The following TMEM245 variants were observed in gnomAD, a reference collection of about 807,000 sequenced individuals.
TMEM245 encodes the protein protein CG-2.
A neutral mutation model predicts 101.2 loss-of-function variants in TMEM245; 69 were observed. The ratio of observed to expected loss-of-function variants is 0.68; its 90% confidence interval spans 0.56 to 0.83. The LOEUF (loss-of-function observed/expected upper bound fraction) is 0.83, where lower values mean the gene tolerates loss of function less well. Ranked by LOEUF, TMEM245 falls within the 40% of genes least tolerant of loss-of-function variation. The probability of loss-of-function intolerance (pLI) is 0.00; values close to 1 mark genes in which losing one functional copy is unlikely to be tolerated. For missense variants in TMEM245, 1,075 were observed against 1,092.8 expected (o/e 0.98, Z 0.23); for synonymous variants, 537 against 449.8 (o/e 1.19, Z -2.45).
intron 3 of TMEM245, among the ~76,000 whole-genome samples, chr9:109,097,170 AAAG>A (rs1383228816): frequency 6.6e-6 from 1 of 152,238 alleles, no homozygotes; most frequent in African/African-American, 2.4e-5. Flanking sequence ...TAAGCTAGAT[AAAG>A]AAGACAGAAC....
In TMEM245 at chr9:109,087,178, T is replaced by C; in HGVS notation, c.1315A>G (p.Ser439Gly). Reference protein sequence around the residue: ...GLGKFLLKVDSKLWHWLNKKM... With the variant: ...GLGKFLLKVDGKLWHWLNKKM... ...AAGTCCTTAAAATACAATACCTTGC[T>C]ATCAACTTTTAACAAGAATTTTCCA... Residue 439 changes from serine to glycine, a missense_variant, in exon 6 of 18, where the codon AGC (serine) becomes GGC (glycine). Ser to Gly is a moderately conservative substitution (Grantham distance 56). Transcript: ENST00000374586. The C allele has an allele frequency of 6.2e-7, 1 of 1,606,036 alleles. No homozygotes were observed. The highest frequency in any genetic ancestry group is 8.5e-7 in the Non-Finnish European group (1 of 1,178,036).
At position 109,119,318 on chromosome 9, in the gene TMEM245, G is replaced by C; in HGVS notation, c.579+17C>G. The C allele has an allele frequency of 5.3e-6, 8 of 1,520,580 alleles. No homozygotes were observed. The highest frequency in any genetic ancestry group is 7.0e-6 in the Non-Finnish European group (8 of 1,138,962). 94.2% of individuals were successfully genotyped at this position (1,520,580 alleles called of 1,614,324 possible). On this transcript the variant is annotated intron_variant, in intron 1 of 17. Coordinates refer to ENST00000374586, the MANE Select transcript of TMEM245 (RefSeq NM_032012.4). ...GGACCACGGGCGGGGGACGGGGGCG[G>C]ACTGCCGCTCACTCACCCACAGGCT...
At chr9:109,051,061 C>T (rs1828664975) in intron 12 of TMEM245, among the ~76,000 whole-genome samples, 1 of 151,692 alleles carries the variant, frequency 6.6e-6, no homozygotes, top group Non-Finnish European at 1.5e-5. Context: ...GAGGCTGAGG[C>T]GGGTGGATCA....
In TMEM245 at chr9:109,070,826, T is replaced by A. The variant is rs188386160; in HGVS notation, c.1532+2530A>T. Among the ~76,000 whole-genome samples, 184 of 152,328 alleles carry A rather than the reference T, an allele frequency of 1.2e-3. 1 individual carries two copies. The highest frequency in any genetic ancestry group is 2.8e-4 in the Non-Finnish European group (19 of 68,012). On this transcript the variant is annotated intron_variant, in intron 9 of 17. Transcript: ENST00000374586. ...AGTCTGCATTTCCTAGAACTTTAAA[T>A]AAATGAAATCGTACCATTTGGGCTT...
rs1003143908 is a variant in TMEM245 at position 109,114,582 on chromosome 9, C to T, written c.579+4753G>A. Among the ~76,000 whole-genome samples, 5 of 152,330 alleles carry T rather than the reference C, an allele frequency of 3.3e-5. No homozygotes were observed. In the South Asian group the frequency reaches 6.2e-4, roughly 19 times the overall value. Reference sequence around the variant, plus strand: ...AGGTGTTTTTATCTTTCAGCCACTACTCTCTCCACCTCCTGCTTCTTTAAA... The same window carrying T: ...AGGTGTTTTTATCTTTCAGCCACTATTCTCTCCACCTCCTGCTTCTTTAAA... On this transcript the variant is annotated intron_variant, in intron 1 of 17. Transcript: ENST00000374586.
chr9:109,042,768 C>T (rs1262530061), intron 14 of TMEM245, among the ~76,000 whole-genome samples: 1 of 151,710 alleles, frequency 6.6e-6, no homozygotes, highest in Non-Finnish European at 1.5e-5. Context: ...TCCAGAACTT[C>T]CTCCCTCTTA....
At position 109,038,065 on chromosome 9, in the gene TMEM245, A is replaced by AC; in HGVS notation, c.2175_2176insG (p.Trp726ValfsTer40). The stretch of plus-strand genomic sequence containing the variant: ...ATGCCAAACATAGTATGAGTCAGCC[A>AC]GGTATACAATCCATAGAAGCCAGCC... On this transcript the variant is annotated frameshift_variant, in exon 15 of 18. Transcript: ENST00000374586. LOFTEE classifies it high-confidence loss of function. 6.2e-7 allele frequency: 1 copy of AC among 1,613,566 alleles called. No homozygotes were observed. The highest frequency in any genetic ancestry group is 8.5e-7 in the Non-Finnish European group (1 of 1,179,750).
intron 7 of TMEM245, among the ~76,000 whole-genome samples, chr9:109,083,137 T>C (rs1048369609): frequency 1.5e-4 from 21 of 144,176 alleles, no homozygotes; most frequent in African/African-American, 4.1e-4. Flanking sequence ...GCACGGGGAG[T>C]TGATACATAA....
intron 12 of TMEM245, among the ~76,000 whole-genome samples, chr9:109,054,005 A>G (rs1828762491): frequency 6.6e-6 from 1 of 152,160 alleles, no homozygotes; most frequent in African/African-American, 2.4e-5. Flanking sequence ...TCAAAACGCC[A>G]TTTCAACACA....
At chr9:109,115,863 T>C (rs1344903847) in intron 1 of TMEM245, among the ~76,000 whole-genome samples, 1 of 152,122 alleles carries the variant, frequency 6.6e-6, no homozygotes, top group Non-Finnish European at 1.5e-5. Flanking sequence ...ACACAATGTA[T>C]TAGGGAAAAC....
At chr9:109,057,912 C>T (rs576584219) in intron 11 of TMEM245, among the ~76,000 whole-genome samples, 2 of 149,690 alleles carry the variant, frequency 1.3e-5, no homozygotes, top group East Asian at 3.9e-4. Context: ...ACACACTAAA[C>T]AGCATTTACT....
chr9:109,049,516 T>C (rs1828608176), intron 14 of TMEM245, among the ~76,000 whole-genome samples: 2 of 152,108 alleles, frequency 1.3e-5, no homozygotes, highest in South Asian at 4.1e-4. Flanking sequence ...GCCCAGTCTG[T>C]TTTTTTGTTT....
At chr9:109,064,685 C>T (rs1425465598) in intron 9 of TMEM245, 118 bp from the exon 10 acceptor site, 6 of 716,822 alleles carry the variant, frequency 8.4e-6, no homozygotes, top group Admixed American at 2.5e-5. Context: ...TTCACCAATA[C>T]ACAGATACCA....
intron 1 of TMEM245, among the ~76,000 whole-genome samples, chr9:109,113,200 A>C (rs1830616137): frequency 6.6e-6 from 1 of 152,242 alleles, no homozygotes; most frequent in African/African-American, 2.4e-5. Context: ...ATTTTGAATC[A>C]CTAAATATCC....
chr9:109,034,204 T>C (rs2132315381), intron 16 of TMEM245, among the ~76,000 whole-genome samples: 1 of 152,322 alleles, frequency 6.6e-6, no homozygotes, highest in South Asian at 2.1e-4. Context: ...TCACATTCTG[T>C]TTGTTTCTAG....
At chr9:109,056,373 C>T (rs1467688543) in intron 12 of TMEM245, among the ~76,000 whole-genome samples, 4 of 141,592 alleles carry the variant, frequency 2.8e-5, no homozygotes, top group Non-Finnish European at 6.0e-5. Context: ...GCAGGCAGAT[C>T]ACTTGAGGTC....
intron 9 of TMEM245, among the ~76,000 whole-genome samples, chr9:109,066,699 A>T (rs1829180355): frequency 6.6e-6 from 1 of 151,778 alleles, no homozygotes; most frequent in African/African-American, 2.4e-5. Context: ...TTATATTGAT[A>T]TATTGGTATT....
chr9:109,039,862 AG>A (rs1214257690), intron 14 of TMEM245, among the ~76,000 whole-genome samples: 1 of 152,134 alleles, frequency 6.6e-6, no homozygotes, highest in Non-Finnish European at 1.5e-5. Context: ...AAAGGAAAAA[AG>A]TATAGAATTT....
chr9:109,030,857 T>C (rs1827924286), intron 17 of TMEM245, among the ~76,000 whole-genome samples: 1 of 152,222 alleles, frequency 6.6e-6, no homozygotes, highest in Admixed American at 6.5e-5. Flanking sequence ...TAAAGGACAA[T>C]GTCTCTCTTC....
Sources: gnomAD v4.1 joint callset for allele counts (sites outside exome capture counted in the v4.1 genomes callset) on GRCh38, gnomAD v4.1.1 for gene constraint, MANE v1.5 for transcripts, NCBI Gene and HGNC (gene_info 2026-07-23, HGNC 2026-07-21) for gene names.